The following SLC35D2 variants were observed in gnomAD, a reference collection of about 807,000 sequenced individuals.
The protein encoded by SLC35D2 is nucleotide sugar transporter SLC35D2.
In SLC35D2, 43 loss-of-function variants were observed where a neutral mutation model predicts 41.8. That is an observed-to-expected ratio of 1.03 (90% confidence interval 0.81 to 1.33). SLC35D2 has a LOEUF of 1.33. SLC35D2 is among the 40% of genes most tolerant of loss of function. SLC35D2 has a pLI of 0.00. For synonymous variants in SLC35D2, 150 were observed against 163.9 expected (o/e 0.92, Z 0.65); for missense variants, 380 against 408.4 (o/e 0.93, Z 0.60).
chr9:96,367,818 C>T (rs1377278325), intron 2 of SLC35D2, among the ~76,000 whole-genome samples: 4 of 151,988 alleles, frequency 2.6e-5, no homozygotes, highest in South Asian at 2.1e-4. Context: ...CTCTTGAAAA[C>T]CTTCTGATGC....
chr9:96,358,297 C>G (rs542044839), intron 4 of SLC35D2, among the ~76,000 whole-genome samples: 1 of 151,528 alleles, frequency 6.6e-6, no homozygotes, highest in East Asian at 1.9e-4. Context: ...AAAATGTAAA[C>G]TATAAAAATT....
chr9:96,354,536 G>A (rs1476418366), intron 4 of SLC35D2, among the ~76,000 whole-genome samples: 1 of 152,148 alleles, frequency 6.6e-6, no homozygotes, highest in East Asian at 1.9e-4. Flanking sequence ...GGAGGCCAAG[G>A]TGGGTGGATG....
intron 8 of SLC35D2, among the ~76,000 whole-genome samples, chr9:96,341,115 C>T (rs10820396): frequency 0.17 from 26,346 of 151,736 alleles, 2,591 homozygotes; most frequent in African/African-American, 0.26. Context: ...GGTGAAACCC[C>T]GTCTCTACTA....
chr9:96,378,694 C>T (rs1252278357), intron 1 of SLC35D2, among the ~76,000 whole-genome samples: 1 of 151,958 alleles, frequency 6.6e-6, no homozygotes, highest in Admixed American at 6.6e-5. Context: ...TCACTTGACT[C>T]AGTCATTTGA....
At chr9:96,354,705 T>C (rs1225008732) in intron 4 of SLC35D2, among the ~76,000 whole-genome samples, 1 of 140,048 alleles carries the variant, frequency 7.1e-6, no homozygotes, top group Non-Finnish European at 1.5e-5. Context: ...GAAGCAGAGG[T>C]TGCAGTAGCC....
chr9:96,321,708 C>T (rs1197079647), intron 11 of SLC35D2, among the ~76,000 whole-genome samples: 1 of 152,176 alleles, frequency 6.6e-6, no homozygotes, highest in Non-Finnish European at 1.5e-5. Flanking sequence ...CAAAGGTTAA[C>T]ACCCTCCACT....
At chr9:96,357,812 G>A (rs1032353705) in intron 4 of SLC35D2, among the ~76,000 whole-genome samples, 17 of 151,876 alleles carry the variant, frequency 1.1e-4, no homozygotes, top group Non-Finnish European at 2.4e-4. Context: ...GCTGGAGCAG[G>A]CAGACTGCTT....
Position 96,358,080 on chromosome 9 carries a change from T to TATATATATA in SLC35D2, c.347+2073_347+2074insTATATATAT, listed in dbSNP as rs1554715405. 5.5e-3 allele frequency among the ~76,000 whole-genome samples: 680 copies of TATATATATA among 122,586 alleles called. 21 individuals carry two copies. Among genetic ancestry groups the TATATATATA allele is most frequent in the Non-Finnish European group, 8.0e-3 (506 of 62,860 alleles). 80.4% of individuals were successfully genotyped at this position (122,586 alleles called of 152,430 possible). ...ATGGATAAACAAAATATTATATATT[T>TATATATATA]TATATATATATATATATATATATAT... is the stretch of plus-strand genomic sequence containing the variant. On this transcript the variant is annotated intron_variant, in intron 4 of 11. Transcript: ENST00000253270.
At chr9:96,354,876 T>A (rs1156905203) in intron 4 of SLC35D2, among the ~76,000 whole-genome samples, 1 of 151,310 alleles carries the variant, frequency 6.6e-6, no homozygotes, top group Non-Finnish European at 1.5e-5. Flanking sequence ...GTAAGACTTG[T>A]GTGCAGAAAA....
At chr9:96,380,137 TC>T (rs1831134132) in intron 1 of SLC35D2, among the ~76,000 whole-genome samples, 1 of 152,126 alleles carries the variant, frequency 6.6e-6, no homozygotes, top group Non-Finnish European at 1.5e-5. Flanking sequence ...CCTCAGGTGA[TC>T]CGCCCACCTC....
chr9:96,318,132 T>C (rs1351292053), downstream of SLC35D2, among the ~76,000 whole-genome samples: 1 of 151,376 alleles, frequency 6.6e-6, no homozygotes, highest in African/African-American at 2.4e-5. Context: ...GATCTTGCCA[T>C]ATTGCCATGC....
chr9:96,329,115 A>G (rs1242922173), intron 9 of SLC35D2, among the ~76,000 whole-genome samples: 4 of 151,612 alleles, frequency 2.6e-5, no homozygotes, highest in Admixed American at 2.6e-4. Flanking sequence ...GACATTATTT[A>G]TGTCTTTTAA....
intron 9 of SLC35D2, among the ~76,000 whole-genome samples, chr9:96,325,812 T>A (rs903010338): frequency 1.3e-5 from 2 of 152,192 alleles, no homozygotes; most frequent in African/African-American, 4.8e-5. Flanking sequence ...AATTCTAGAA[T>A]CCTGCTAGAA....
Position 96,321,179 on chromosome 9 carries a change from C to G in SLC35D2, c.*63G>C. 7.9e-7 allele frequency: 1 copy of G among 1,261,524 alleles called. No individual in the cohort carries two copies. The highest frequency in any genetic ancestry group is 1.2e-6 in the Non-Finnish European group (1 of 867,266). 78.1% of individuals were successfully genotyped at this position (1,261,524 alleles called of 1,614,324 possible). On this transcript the variant is annotated 3_prime_UTR_variant, in exon 12 of 12. Coordinates refer to ENST00000253270, the MANE Select transcript of SLC35D2 (RefSeq NM_007001.3). ...AATCCGAAACCTCTGGCTTCACATT[C>G]CTACTGGGAATGCCCCCCCAGCCCG...
intron 9 of SLC35D2, among the ~76,000 whole-genome samples, chr9:96,330,904 T>TTTTATTTA (rs572037042): frequency 1.4e-5 from 2 of 146,842 alleles, no homozygotes; most frequent in African/African-American, 4.9e-5. Flanking sequence ...TTCACCCTGA[T>TTTTATTTA]TTTATTTATT....
chr9:96,383,569 G>T lies in SLC35D2; in HGVS notation c.66C>A (p.Pro22=). 6.7e-7 allele frequency: 1 copy of T among 1,483,956 alleles called. No homozygotes were observed. The allele number at this position is 1,483,956 out of a possible 1,614,324, so 91.9% of individuals were successfully genotyped here. The part of the protein sequence containing the change: ...AGGEPGAARL[P]SRVARLLSAL... Reference sequence around the variant, plus strand: ...CCGACAGCAGCCGGGCCACCCGCGAGGGCAGCCGCGCCGCGCCGGGCTCCC... The same window carrying T: ...CCGACAGCAGCCGGGCCACCCGCGATGGCAGCCGCGCCGCGCCGGGCTCCC... The change falls in exon 1 of 12, where the codon CCC becomes CCA. Residue 22 remains proline, a synonymous_variant. Transcript: ENST00000253270.
At chr9:96,336,854 A>G (rs1829073408) in intron 8 of SLC35D2, 70 bp from the exon 9 acceptor site, 2 of 912,744 alleles carry the variant, frequency 2.2e-6, no homozygotes, top group South Asian at 3.2e-5. Flanking sequence ...TGGTTTTACC[A>G]AACTGCATTT....
chr9:96,343,398 A>C (rs1564100649), intron 8 of SLC35D2, among the ~76,000 whole-genome samples: 1 of 152,246 alleles, frequency 6.6e-6, no homozygotes, highest in Non-Finnish European at 1.5e-5. Flanking sequence ...AATACTCCAG[A>C]GGAACAAAAA....
chr9:96,359,038 C>T (rs1016073653), intron 4 of SLC35D2, among the ~76,000 whole-genome samples: 1 of 152,082 alleles, frequency 6.6e-6, no homozygotes, highest in African/African-American at 2.4e-5. Context: ...GGTGCGGTGG[C>T]TCATGCCTGT....
Sources: gnomAD v4.1 joint callset for allele counts (sites outside exome capture counted in the v4.1 genomes callset) on GRCh38, gnomAD v4.1.1 for gene constraint, MANE v1.5 for transcripts, NCBI Gene and HGNC (gene_info 2026-07-23, HGNC 2026-07-21) for gene names.